The following CHRM3 variants were observed in gnomAD, a reference collection of about 807,000 sequenced individuals.
CHRM3 encodes muscarinic acetylcholine receptor M3.
CHRM3 carries 11 observed loss-of-function variants against 41.8 expected under a neutral mutation model. That is an observed-to-expected ratio of 0.26 (90% confidence interval 0.17 to 0.44). The LOEUF is 0.44. CHRM3 is among the 20% of genes least tolerant of loss of function. CHRM3 has a pLI of 1.00. For missense variants in CHRM3, 571 were observed against 745.4 expected (o/e 0.77, Z 2.72); for synonymous variants, 297 against 301.4 (o/e 0.99, Z 0.15).
intron 5 of CHRM3, among the ~76,000 whole-genome samples, chr1:239,688,889 T>C: frequency 6.9e-6 from 1 of 144,480 alleles, no homozygotes; most frequent in East Asian, 2.0e-4. Context: ...TATATGTATA[T>C]ATAATATACA....
intron 5 of CHRM3, among the ~76,000 whole-genome samples, chr1:239,700,588 T>A (rs530257663): frequency 4.6e-5 from 7 of 152,130 alleles, no homozygotes; most frequent in Non-Finnish European, 8.8e-5. Flanking sequence ...CATTCTCAGT[T>A]CATCCCCTGT....
At chr1:239,905,664 C>A (rs981252165) in intron 6 of CHRM3, among the ~76,000 whole-genome samples, 1 of 152,120 alleles carries the variant, frequency 6.6e-6, no homozygotes, top group African/African-American at 2.4e-5. Flanking sequence ...CAAGATCACA[C>A]CCCTGCACTC....
At chr1:239,771,151 C>A (rs550094537) in intron 5 of CHRM3, among the ~76,000 whole-genome samples, 2 of 152,110 alleles carry the variant, frequency 1.3e-5, no homozygotes, top group South Asian at 4.2e-4. Flanking sequence ...TCAGATGATG[C>A]TGATTTTTTA....
At chr1:239,696,886 C>T (rs1053370882) in intron 5 of CHRM3, among the ~76,000 whole-genome samples, 1 of 152,120 alleles carries the variant, frequency 6.6e-6, no homozygotes, top group Non-Finnish European at 1.5e-5. Flanking sequence ...CTAATTATGA[C>T]CACTGTAAGG....
At chr1:239,526,685 G>T (rs146434009) in intron 2 of CHRM3, among the ~76,000 whole-genome samples, 150 of 152,282 alleles carry the variant, frequency 9.9e-4, no homozygotes, top group African/African-American at 3.4e-3. Context: ...GCGAAAAAGA[G>T]CTCTTTTTCA....
At position 239,511,816 on chromosome 1, in the gene CHRM3, T is replaced by C. The variant is rs535897891; in HGVS notation, c.-422+19009T>C. Among the ~76,000 whole-genome samples, 49 of 152,350 alleles carry C rather than the reference T, an allele frequency of 3.2e-4. No individual in the cohort carries two copies. In the Middle Eastern group the frequency reaches 0.014, roughly 42 times the overall value. ...ATGAAAAGTGCAGAAGATAAAATCC[T>C]ACCATTGTCAAATGAATAGATCCGG... On this transcript the variant is annotated intron_variant, in intron 2 of 6. Transcript: ENST00000676153.
chr1:239,552,041 T>C (rs896905634), intron 3 of CHRM3, among the ~76,000 whole-genome samples: 2 of 151,880 alleles, frequency 1.3e-5, no homozygotes, highest in African/African-American at 2.4e-5. Context: ...ATTATCACAT[T>C]ATTAAAGCTT....
At chr1:239,642,390 C>T (rs1445003130) in intron 4 of CHRM3, among the ~76,000 whole-genome samples, 1 of 152,090 alleles carries the variant, frequency 6.6e-6, no homozygotes, top group African/African-American at 2.4e-5. Flanking sequence ...CTCCCCGTCA[C>T]TTTCAGGTAC....
chr1:239,619,162 G>A (rs1014873803), intron 3 of CHRM3, among the ~76,000 whole-genome samples: 2 of 151,984 alleles, frequency 1.3e-5, no homozygotes, highest in African/African-American at 4.8e-5. Flanking sequence ...TGATCCACTG[G>A]CCTCAGCCTC....
intron 1 of CHRM3, among the ~76,000 whole-genome samples, chr1:239,401,223 G>A (rs554447472): frequency 6.6e-6 from 1 of 152,240 alleles, no homozygotes; most frequent in African/African-American, 2.4e-5. Context: ...TGGGTCTGAA[G>A]GCTGTGGCAA....
At chr1:239,423,760 T>C (rs1440224164) in intron 1 of CHRM3, among the ~76,000 whole-genome samples, 1 of 151,736 alleles carries the variant, frequency 6.6e-6, no homozygotes, top group Non-Finnish European at 1.5e-5. Context: ...TTCTAAGAAA[T>C]AGGAAAACAT....
intron 5 of CHRM3, among the ~76,000 whole-genome samples, chr1:239,793,678 C>T (rs1436729827): frequency 2.0e-5 from 3 of 152,018 alleles, no homozygotes; most frequent in Admixed American, 6.6e-5. Context: ...ATTAAGCAGA[C>T]CACTGTGAAT....
intron 3 of CHRM3, among the ~76,000 whole-genome samples, chr1:239,560,566 C>G (rs1002877639): frequency 7.2e-5 from 11 of 152,080 alleles, no homozygotes; most frequent in Middle Eastern, 3.2e-3. Flanking sequence ...CTAAAATATA[C>G]TTCCAAGGAT....
chr1:239,808,069 C>T (rs1026619389), intron 5 of CHRM3, among the ~76,000 whole-genome samples: 4 of 152,036 alleles, frequency 2.6e-5, no homozygotes, highest in South Asian at 4.1e-4. Flanking sequence ...TATCGGTAAT[C>T]GTCTGCCTTT....
chr1:239,767,175 A>G (rs1238213569), intron 5 of CHRM3, among the ~76,000 whole-genome samples: 1 of 152,150 alleles, frequency 6.6e-6, no homozygotes, highest in Non-Finnish European at 1.5e-5. Context: ...CACATGGAAC[A>G]TGAAAACCAG....
chr1:239,809,935 G>T (rs536172423), intron 5 of CHRM3, among the ~76,000 whole-genome samples: 1 of 152,342 alleles, frequency 6.6e-6, no homozygotes, highest in African/African-American at 2.4e-5. Context: ...TAAAGATGAA[G>T]GTAGCAGGTA....
chr1:239,856,678 G>A (rs541365125), intron 6 of CHRM3, among the ~76,000 whole-genome samples: 4 of 152,240 alleles, frequency 2.6e-5, no homozygotes, highest in Admixed American at 1.3e-4. Context: ...AGCCATGGAT[G>A]ATTACAGACC....
chr1:239,679,499 AT>A (rs1288426726), intron 5 of CHRM3, among the ~76,000 whole-genome samples: 2 of 152,132 alleles, frequency 1.3e-5, no homozygotes, highest in Non-Finnish European at 2.9e-5. Flanking sequence ...GAGAGAGTAG[AT>A]AAATTCACCT....
At chr1:239,425,235 T>G (rs549502863) in intron 1 of CHRM3, among the ~76,000 whole-genome samples, 16 of 152,326 alleles carry the variant, frequency 1.1e-4, no homozygotes, top group Admixed American at 1.0e-3. Flanking sequence ...ACCCAATACC[T>G]ATGCTCATTG....
Sources: gnomAD v4.1 joint callset for allele counts (sites outside exome capture counted in the v4.1 genomes callset) on GRCh38, gnomAD v4.1.1 for gene constraint, MANE v1.5 for transcripts, NCBI Gene and HGNC (gene_info 2026-07-23, HGNC 2026-07-21) for gene names.